PTPRM: variants seen among roughly 807,000 people sequenced by gnomAD.
PTPRM encodes the protein receptor-type tyrosine-protein phosphatase mu.
In PTPRM, 47 loss-of-function variants were observed where a neutral mutation model predicts 186.7. That is an observed-to-expected ratio of 0.25 (90% CI 0.20 to 0.32). The LOEUF is 0.32. Ranked by LOEUF, PTPRM falls within the 10% of genes least tolerant of loss-of-function variation. The pLI is 1.00. For synonymous variants in PTPRM, 668 were observed against 674.9 expected (o/e 0.99, Z 0.16); for missense variants, 1,494 against 1,865.0 (o/e 0.80, Z 3.66).
intron 7 of PTPRM, among the ~76,000 whole-genome samples, chr18:7,967,004 G>A (rs2054154136): frequency 9.0e-6 from 1 of 110,746 alleles, no homozygotes; most frequent in East Asian, 2.3e-4. Context: ...CTGGGGGCAG[G>A]GCACAGACAA....
At chr18:8,298,222 T>C (rs2095117790) in intron 20 of PTPRM, among the ~76,000 whole-genome samples, 1 of 152,188 alleles carries the variant, frequency 6.6e-6, no homozygotes, top group South Asian at 2.1e-4. Context: ...CCACTGAAGC[T>C]TTGCGCTGTT....
At chr18:7,752,811 G>A (rs560207711) in intron 1 of PTPRM, among the ~76,000 whole-genome samples, 11 of 152,114 alleles carry the variant, frequency 7.2e-5, no homozygotes, top group Non-Finnish European at 2.9e-5. Context: ...AGAAAACTAC[G>A]TACCTAGATG....
intron 11 of PTPRM, among the ~76,000 whole-genome samples, chr18:8,112,227 T>A (rs1201257482): frequency 6.6e-6 from 1 of 152,240 alleles, no homozygotes; most frequent in Non-Finnish European, 1.5e-5. Flanking sequence ...AAACAATTGA[T>A]TTTTATTTAG....
At chr18:7,854,139 C>T (rs1353222845) in intron 2 of PTPRM, among the ~76,000 whole-genome samples, 2 of 152,142 alleles carry the variant, frequency 1.3e-5, no homozygotes, top group Non-Finnish European at 2.9e-5. Context: ...ATAATTCCTT[C>T]AGCTAAAGGA....
intron 3 of PTPRM, among the ~76,000 whole-genome samples, chr18:7,904,914 A>G (rs1472080603): frequency 1.3e-5 from 2 of 152,210 alleles, no homozygotes; most frequent in Admixed American, 6.5e-5. Context: ...TAGCCTGACA[A>G]CTGACACTTT....
At chr18:7,948,470 G>A (rs758406993) in intron 5 of PTPRM, among the ~76,000 whole-genome samples, 2 of 152,034 alleles carry the variant, frequency 1.3e-5, no homozygotes, top group Non-Finnish European at 2.9e-5. Flanking sequence ...AACTAAAAGG[G>A]TTACTTAATA....
At chr18:7,639,325 C>T (rs1333393161) in intron 1 of PTPRM, among the ~76,000 whole-genome samples, 1 of 151,762 alleles carries the variant, frequency 6.6e-6, no homozygotes, top group Non-Finnish European at 1.5e-5. Context: ...CTGCCTTGGC[C>T]TCCCAAAGTG....
intron 1 of PTPRM, among the ~76,000 whole-genome samples, chr18:7,638,961 A>G (rs556506999): frequency 1.6e-4 from 24 of 152,334 alleles, no homozygotes; most frequent in Middle Eastern, 6.8e-3. Flanking sequence ...AAAGTTGATC[A>G]TCTTGAATAA....
chr18:7,657,644 AG>A (rs2038882078), intron 1 of PTPRM, among the ~76,000 whole-genome samples: 1 of 152,238 alleles, frequency 6.6e-6, no homozygotes, highest in African/African-American at 2.4e-5. Context: ...GAGCCATGAA[AG>A]GGGCATACGA....
chr18:8,183,980 A>G (rs1489262228), intron 14 of PTPRM, among the ~76,000 whole-genome samples: 1 of 152,044 alleles, frequency 6.6e-6, no homozygotes, highest in Admixed American at 6.6e-5. Flanking sequence ...TCTGTGTTCT[A>G]TCCCTGTCTT....
At chr18:7,712,895 T>C (rs1363859682) in intron 1 of PTPRM, among the ~76,000 whole-genome samples, 1 of 152,044 alleles carries the variant, frequency 6.6e-6, no homozygotes, top group East Asian at 1.9e-4. Flanking sequence ...TATGTTTGAT[T>C]GGTGTACCTG....
chr18:8,265,303 G>A (rs1034446426), intron 19 of PTPRM, among the ~76,000 whole-genome samples: 11 of 152,206 alleles, frequency 7.2e-5, no homozygotes, highest in African/African-American at 2.4e-4. Flanking sequence ...GAGGAATGCA[G>A]GAAAATCATT....
chr18:8,374,874 A>G (rs2095685601), intron 24 of PTPRM, among the ~76,000 whole-genome samples: 1 of 152,228 alleles, frequency 6.6e-6, no homozygotes, highest in African/African-American at 2.4e-5. Context: ...TTCTTTGCTC[A>G]CTAAGTATGT....
intron 7 of PTPRM, among the ~76,000 whole-genome samples, chr18:8,067,586 C>T (rs11660124): frequency 0.1 from 15,441 of 152,128 alleles, 824 homozygotes; most frequent in South Asian, 0.12. Context: ...GTAAATGCTA[C>T]GTTGCATATT....
At chr18:7,797,042 G>A (rs1032987482) in intron 2 of PTPRM, among the ~76,000 whole-genome samples, 7 of 152,290 alleles carry the variant, frequency 4.6e-5, no homozygotes, top group African/African-American at 1.7e-4. Context: ...ATGATGCCAC[G>A]TGTCCATGAC....
intron 1 of PTPRM, among the ~76,000 whole-genome samples, chr18:7,639,286 C>T (rs952890990): frequency 6.6e-5 from 10 of 151,558 alleles, no homozygotes; most frequent in East Asian, 5.8e-4. Flanking sequence ...TAGCCAGAAT[C>T]GTCTCGATCT....
intron 21 of PTPRM, among the ~76,000 whole-genome samples, 159 bp from the exon 22 acceptor site, chr18:8,319,019 A>G (rs1458317412): frequency 1.3e-5 from 2 of 152,202 alleles, no homozygotes; most frequent in African/African-American, 2.4e-5. Context: ...GCCTTCACTA[A>G]TTAAGAGAAA....
chr18:7,856,497 G>A (rs965916265), intron 2 of PTPRM, among the ~76,000 whole-genome samples: 4 of 152,108 alleles, frequency 2.6e-5, no homozygotes, highest in African/African-American at 4.8e-5. Context: ...ATCCCAGCAC[G>A]GAGGGCTGAG....
chr18:8,286,220 G>A (rs1601635070), intron 19 of PTPRM, among the ~76,000 whole-genome samples: 1 of 152,316 alleles, frequency 6.6e-6, no homozygotes, highest in East Asian at 1.9e-4. Flanking sequence ...CCATCTGCTA[G>A]TTGCAACTTC....
Sources: gnomAD v4.1 joint callset for allele counts (sites outside exome capture counted in the v4.1 genomes callset) on GRCh38, gnomAD v4.1.1 for gene constraint, MANE v1.5 for transcripts, NCBI Gene and HGNC (gene_info 2026-07-23, HGNC 2026-07-21) for gene names.